The following CBLC variants were observed in gnomAD, a reference collection of about 807,000 sequenced individuals.
CBLC encodes E3 ubiquitin-protein ligase CBL-C.
Under a neutral mutation model 58.6 loss-of-function variants are expected in CBLC, and 46 were observed. The ratio of observed to expected loss-of-function variants is 0.79; its 90% CI spans 0.62 to 1.00. The LOEUF (loss-of-function observed/expected upper bound fraction) is 1.00. CBLC is among the 50% of genes least tolerant of loss of function. The pLI, the probability that CBLC is intolerant of heterozygous loss-of-function variation, is 0.00. For synonymous variants in CBLC, 271 were observed against 264.2 expected (o/e 1.03, Z -0.25); for missense variants, 655 against 625.8 (o/e 1.05, Z -0.50).
At chr19:44,784,974 TTTTTTTTTTTTTTTTGA>T in intron 5 of CBLC, among the ~76,000 whole-genome samples, 1 of 121,294 alleles carries the variant, frequency 8.2e-6, no homozygotes. Context: ...TTTTTTTTTT[TTTTTTTTTTTTTTTTGA>T]GACAGAGTCT....
chr19:44,794,621 T>C (rs1903830), intron 9 of CBLC, among the ~76,000 whole-genome samples: 33,011 of 151,210 alleles, frequency 0.22, 5,875 homozygotes, highest in African/African-American at 0.49. Context: ...CCCACCACCA[T>C]GCCCCGCTAA....
At chr19:44,783,577 A>T (rs1183842528) in intron 4 of CBLC, among the ~76,000 whole-genome samples, 1 of 151,766 alleles carries the variant, frequency 6.6e-6, no homozygotes, top group Admixed American at 6.6e-5. Context: ...GCTACTTGGG[A>T]GGTTGAGGCA....
At chr19:44,796,755 C>G (rs750527884) in intron 9 of CBLC, among the ~76,000 whole-genome samples, 5 of 152,066 alleles carry the variant, frequency 3.3e-5, no homozygotes, top group Non-Finnish European at 5.9e-5. Context: ...ATTTTTGGGA[C>G]CCTGGATTGC....
At chr19:44,784,972 T>G (rs1454352133) in intron 5 of CBLC, among the ~76,000 whole-genome samples, 18 of 121,028 alleles carry the variant, frequency 1.5e-4, no homozygotes, top group African/African-American at 3.9e-4. Flanking sequence ...TTTTTTTTTT[T>G]TTTTTTTTTT....
chr19:44,790,192 TC>T, intron 6 of CBLC, 101 bp downstream of exon 6: 1 of 866,688 alleles, frequency 1.2e-6, no homozygotes, highest in Non-Finnish European at 2.0e-6. Context: ...GCTTGGTGGC[TC>T]TGTGACCTTG....
intron 5 of CBLC, among the ~76,000 whole-genome samples, chr19:44,784,815 C>T (rs1297966136): frequency 6.6e-6 from 1 of 152,042 alleles, no homozygotes; most frequent in African/African-American, 2.4e-5. Flanking sequence ...ATCTTCCTGC[C>T]TCGGCCTCCC....
Position 44,777,898 on chromosome 19 carries a change from C to G in CBLC, c.-34C>G, listed in dbSNP as rs762570407. ...TGGGCGAGGCCGCCCCTATCCCAGC[C>G]GCACCGGTCCTTCCCGGCACACGCG... is the stretch of plus-strand genomic sequence containing the variant. On this transcript the variant is annotated 5_prime_UTR_variant, in exon 1 of 11. Coordinates refer to ENST00000647358, the MANE Select transcript of CBLC (RefSeq NM_012116.4). 2.5e-5 allele frequency: 37 copies of G among 1,493,922 alleles called. 1 individual carries two copies. The highest frequency in any genetic ancestry group is 1.8e-4 in the Middle Eastern group (1 of 5,530). 92.5% of individuals were successfully genotyped at this position (1,493,922 alleles called of 1,614,324 possible).
chr19:44,800,229 T>C, intron 9 of CBLC, 152 bp from the exon 10 acceptor site: 1 of 599,680 alleles, frequency 1.7e-6, no homozygotes, highest in East Asian at 2.9e-5. Flanking sequence ...TGCCAAGAAT[T>C]AAGGCTGTGG....
At chr19:44,780,791 A>T in intron 1 of CBLC, 114 bp from the exon 2 acceptor site, 1 of 1,126,992 alleles carries the variant, frequency 8.9e-7, no homozygotes, top group Non-Finnish European at 1.3e-6. Flanking sequence ...CTCTTACCTT[A>T]CACTGTTGAG....
chr19:44,790,285 C>T (rs919796987), intron 6 of CBLC, among the ~76,000 whole-genome samples, 194 bp downstream of exon 6: 21 of 151,952 alleles, frequency 1.4e-4, no homozygotes, highest in African/African-American at 2.9e-4. Context: ...GGGGTGATCA[C>T]GGGGATTAAA....
Position 44,797,341 on chromosome 19 carries a change from G to C in CBLC, c.1363-3040G>C, listed in dbSNP as rs147314905. Among the ~76,000 whole-genome samples, 930 of 151,754 alleles carry C rather than the reference G, an allele frequency of 6.1e-3. 11 individuals are homozygous for C. The highest frequency in any genetic ancestry group is 0.021 in the African/African-American group (874 of 41,380). ...TCTCAGCCCATTGCAACCTCCGCCTGCCAGGTTCAAGCGATTCTCCTGCCT... is the reference window on the plus strand; with the variant it reads ...TCTCAGCCCATTGCAACCTCCGCCTCCCAGGTTCAAGCGATTCTCCTGCCT... On this transcript the variant is annotated intron_variant, in intron 9 of 10. Coordinates refer to ENST00000647358, the MANE Select transcript of CBLC (RefSeq NM_012116.4).
In CBLC at chr19:44,793,524, G is replaced by A. The variant is rs1239721663; in HGVS notation, c.1188G>A (p.Trp396Ter). ...CPFCRCEIKG[W>*]EAVSIYQFHG... ...TCTGCCGCTGCGAGATCAAGGGCTG[G>A]GAGGCCGTGAGTATCTACCAGTTCC... Residue 396 changes from tryptophan to a stop codon, truncating the protein, a stop_gained, in exon 8 of 11, where the codon TGG becomes TGA. Transcript: ENST00000647358. LOFTEE classifies it high-confidence loss of function. The A allele has an allele frequency of 2.5e-6, 4 of 1,612,978 alleles. No homozygotes were observed. The Admixed American group carries it at 5.0e-5, about 20-fold the overall frequency.
At chr19:44,786,225 G>T (rs548292401) in intron 5 of CBLC, among the ~76,000 whole-genome samples, 3 of 151,832 alleles carry the variant, frequency 2.0e-5, no homozygotes, top group South Asian at 2.1e-4. Context: ...ACGCCACCAC[G>T]CCCGGCTGGG....
chr19:44,799,202 T>C (rs980136657), intron 9 of CBLC, among the ~76,000 whole-genome samples: 7 of 152,124 alleles, frequency 4.6e-5, no homozygotes, highest in Non-Finnish European at 1.5e-5. Context: ...CCTGGCGCGG[T>C]GGCTCATGCC....
In CBLC at chr19:44,800,440, C is replaced by T. The variant is rs1968270731; in HGVS notation, c.1422C>T (p.Ala474=). Residue 474 remains alanine (A), a synonymous_variant, in exon 10 of 11, where the codon GCC becomes GCT. Transcript: ENST00000647358. ...AALGPQDPAP[A] is the part of the protein sequence containing the mutation. ...TGGGACCCCAGGACCCTGCCCCGGC[C>T]TGAAGGCCAGGTGAGTCCATTCCCT... The T allele has an allele frequency of 6.2e-7, 1 of 1,611,260 alleles. No individual in the cohort carries two copies. The highest frequency in any genetic ancestry group is 8.5e-7 in the Non-Finnish European group (1 of 1,177,544).
chr19:44,780,423 A>G (rs894381495), intron 1 of CBLC, among the ~76,000 whole-genome samples: 1 of 149,782 alleles, frequency 6.7e-6, no homozygotes, highest in Non-Finnish European at 1.5e-5. Context: ...GGCATGAGCC[A>G]CTGCTTCTGG....
At chr19:44,793,885 GAGGGAGGAGA>G (rs1968120077) in intron 8 of CBLC, among the ~76,000 whole-genome samples, 1 of 150,604 alleles carries the variant, frequency 6.6e-6, no homozygotes, top group African/African-American at 2.4e-5. Context: ...TCCTGGGTCT[GAGGGAGGAGA>G]ATATGGGGGC....
chr19:44,781,172 C>T (rs1967718369), intron 2 of CBLC, 35 bp from the exon 3 acceptor site: 2 of 1,591,000 alleles, frequency 1.3e-6, no homozygotes, highest in Non-Finnish European at 1.7e-6. Flanking sequence ...TCTGGGAGGC[C>T]TCAGCGGTGT....
intron 6 of CBLC, 82 bp downstream of exon 6, chr19:44,790,173 G>A: frequency 9.6e-7 from 1 of 1,041,710 alleles, no homozygotes; most frequent in Admixed American, 1.7e-5. Context: ...GCCTGGGGTT[G>A]GAATGTTGGC....
Sources: gnomAD v4.1 joint callset for allele counts (sites outside exome capture counted in the v4.1 genomes callset) on GRCh38, gnomAD v4.1.1 for gene constraint, MANE v1.5 for transcripts, NCBI Gene and HGNC (gene_info 2026-07-23, HGNC 2026-07-21) for gene names.